The following ABCC8 variants were observed in gnomAD, a reference collection of about 807,000 sequenced individuals.
ABCC8 encodes the protein ATP binding cassette subfamily C member 8, also known as ATP-binding cassette sub-family C member 8.
Under a neutral mutation model 188.0 loss-of-function variants are expected in ABCC8, and 137 were observed. The observed-to-expected ratio is 0.73, with a 90% CI of 0.63 to 0.84. The LOEUF (loss-of-function observed/expected upper bound fraction) is 0.84, where lower values mean the gene tolerates loss of function less well. ABCC8 is among the 40% of genes least tolerant of loss of function. The pLI is 0.00. For synonymous variants in ABCC8, 797 were observed against 846.5 expected, an observed-to-expected ratio of 0.94 and a Z score of 1.01; for missense variants, 1,750 against 2,072.7, an observed-to-expected ratio of 0.84 and a Z score of 3.02.
At chr11:17,470,403 G>C (rs1023511588) in intron 2 of ABCC8, 181 bp from the exon 3 acceptor site, 2 of 473,480 alleles carry the variant, frequency 4.2e-6, no homozygotes, top group Non-Finnish European at 5.5e-6. Flanking sequence ...CCAGTACATG[G>C]AGTAGAGCTG....
intron 16 of ABCC8, among the ~76,000 whole-genome samples, chr11:17,418,374 T>A (rs1213941090): frequency 6.6e-6 from 1 of 152,178 alleles, no homozygotes; most frequent in East Asian, 1.9e-4. Context: ...CAGGACTGAA[T>A]GAAGATTCTG....
At chr11:17,403,415 CA>C (rs1293064959) in intron 28 of ABCC8, among the ~76,000 whole-genome samples, 3 of 152,110 alleles carry the variant, frequency 2.0e-5, no homozygotes, top group African/African-American at 4.8e-5. Context: ...GTTTCTCTGG[CA>C]GAAGAAATGA....
rs1954390155 is a variant in ABCC8, at chr11:17,404,211, T to C, written c.3557+301A>G. On this transcript the variant is annotated intron_variant, in intron 28 of 38. Coordinates refer to ENST00000389817, the MANE Select transcript of ABCC8 (RefSeq NM_000352.6). This position sits in a 1 kb window ranked among gnomAD's most constrained non-coding sequence, Gnocchi z 4.7. ...AATGATGCAACCCTCCTGGGAAGCATGTTGGCAAAATGAATGAAGGGCATA... is the reference window on the plus strand; with the variant it reads ...AATGATGCAACCCTCCTGGGAAGCACGTTGGCAAAATGAATGAAGGGCATA... Among the ~76,000 whole-genome samples, 2 of 152,184 alleles carry C rather than the reference T, an allele frequency of 1.3e-5. No homozygotes were observed. The highest frequency in any genetic ancestry group is 4.2e-4 in the South Asian group (2 of 4,816).
Position 17,470,213 on chromosome 11 carries a change from T to A in ABCC8, c.300A>T (p.Glu100Asp). The A allele has an allele frequency of 6.2e-7, 1 of 1,614,130 alleles. No homozygotes were observed. The highest frequency in any genetic ancestry group is 8.5e-7 in the Non-Finnish European group (1 of 1,180,028). ...GCATGTACAGGTGCAGATGGTGGGATTCGGTCACCCTGAGATGGGAGAGAG... is the reference window on the plus strand; with the variant it reads ...GCATGTACAGGTGCAGATGGTGGGAATCGGTCACCCTGAGATGGGAGAGAG... ...AEGILSDGVT[E>D]SHHLHLYMPA... The change falls in exon 3 of 39, where the codon GAA becomes GAT. Residue 100 changes from glutamate (E) to aspartate (D), a missense_variant. Glu to Asp is a conservative substitution (Grantham distance 45, BLOSUM62 2). Coordinates refer to ENST00000389817, the MANE Select transcript of ABCC8 (RefSeq NM_000352.6).
chr11:17,428,805 G>A, intron 12 of ABCC8, 135 bp from the exon 13 acceptor site: 2 of 1,490,394 alleles, frequency 1.3e-6, no homozygotes, highest in Admixed American at 2.1e-5. Flanking sequence ...ACTGAAGGGG[G>A]CAGACCAGTG....
Position 17,404,596 on chromosome 11 carries a change from T to G in ABCC8, c.3473A>C (p.Tyr1158Ser). The change falls in exon 28 of 39, where the codon TAT (tyrosine) becomes TCT (serine). Residue 1158 changes from tyrosine to serine, a missense_variant. Transcript: ENST00000389817. This position sits in a 1 kb window ranked among gnomAD's most constrained non-coding sequence, Gnocchi z 4.7. ...GGCCACGAGGAACACAGGTGTGACA[T>G]AGGAGATGACGGCCAGGGCTGAGAC... The part of the protein sequence containing the change: ...LCVSALAVIS[Y>S]VTPVFLVALL... 2.5e-6 allele frequency: 4 copies of G among 1,613,868 alleles called. No individual in the cohort carries two copies. Among genetic ancestry groups the G allele is most frequent in the Non-Finnish European group, 3.4e-6 (4 of 1,179,992 alleles).
chr11:17,398,205 C>A, intron 30 of ABCC8, 134 bp downstream of exon 30: 2 of 1,213,668 alleles, frequency 1.6e-6, no homozygotes, highest in Non-Finnish European at 2.4e-6. Flanking sequence ...ACCACCAGGG[C>A]TGGGGGAAGC....
intron 10 of ABCC8, among the ~76,000 whole-genome samples, chr11:17,435,347 GGAA>G (rs1251890266): frequency 1.2e-4 from 19 of 152,262 alleles, no homozygotes; most frequent in Admixed American, 9.8e-4. Context: ...CACTGTCTCA[GGAA>G]GAAGGAGCCA....
intron 9 of ABCC8, 79 bp downstream of exon 9, chr11:17,443,099 G>C: frequency 1.3e-6 from 2 of 1,547,682 alleles, no homozygotes; most frequent in Non-Finnish European, 8.9e-7. Flanking sequence ...ATGACAGTGT[G>C]GGTGTGTGGG....
chr11:17,445,993 T>G, intron 8 of ABCC8, among the ~76,000 whole-genome samples: 1 of 146,182 alleles, frequency 6.8e-6, no homozygotes, highest in East Asian at 2.0e-4. Flanking sequence ...TTAGACCGAG[T>G]CTCGCTCTGT....
At position 17,416,949 on chromosome 11, in the gene ABCC8, C is replaced by T. The variant is rs753296261; in HGVS notation, c.2236G>A (p.Glu746Lys). ...CTGTACCTGGGGTCCTCTCCTATCTCGCTGTCAGGAAGGCTGCTGGGACAC... is the reference window on the plus strand; with the variant it reads ...CTGTACCTGGGGTCCTCTCCTATCTTGCTGTCAGGAAGGCTGCTGGGACAC... ...AVFWSSLPDS[E>K]IGEDPSPERE... Residue 746 changes from glutamate (E) to lysine (K), a missense_variant, in exon 17 of 39, where the codon GAG (glutamate) becomes AAG (lysine). By Grantham distance (56) the Glu-to-Lys change is moderately conservative. Coordinates refer to ENST00000389817, the MANE Select transcript of ABCC8 (RefSeq NM_000352.6). 11 of 1,607,164 alleles carry T rather than the reference C, an allele frequency of 6.8e-6. No homozygotes were observed. The highest frequency in any genetic ancestry group is 1.7e-5 in the Admixed American group (1 of 59,754).
chr11:17,415,761 G>T (rs1190320279), intron 17 of ABCC8, among the ~76,000 whole-genome samples: 9 of 152,186 alleles, frequency 5.9e-5, no homozygotes. Flanking sequence ...TCTGGACAGA[G>T]CCAGGCCAGG....
chr11:17,401,641 A>G (rs866108076), intron 29 of ABCC8, among the ~76,000 whole-genome samples: 1 of 152,098 alleles, frequency 6.6e-6, no homozygotes, highest in Non-Finnish European at 1.5e-5. Flanking sequence ...CCTAAAAATA[A>G]CCTATTATCA....
chr11:17,442,294 A>G (rs1343346084), intron 10 of ABCC8, among the ~76,000 whole-genome samples: 2 of 152,204 alleles, frequency 1.3e-5, no homozygotes, highest in Non-Finnish European at 2.9e-5. Flanking sequence ...CATAGCCCCA[A>G]GTGGATGGAA....
intron 6 of ABCC8, among the ~76,000 whole-genome samples, chr11:17,454,199 A>G (rs1386850834): frequency 6.6e-6 from 1 of 152,070 alleles, no homozygotes; most frequent in Non-Finnish European, 1.5e-5. Flanking sequence ...GCACATCCAC[A>G]ATCAGAATCA....
At chr11:17,450,091 T>C (rs1399044137) in intron 7 of ABCC8, among the ~76,000 whole-genome samples, 1 of 152,204 alleles carries the variant, frequency 6.6e-6, no homozygotes, top group Non-Finnish European at 1.5e-5. Context: ...TTATGTATAA[T>C]TCAGGAATTG....
intron 16 of ABCC8, among the ~76,000 whole-genome samples, chr11:17,426,424 G>A (rs1184251612): frequency 6.6e-6 from 1 of 152,172 alleles, no homozygotes; most frequent in Non-Finnish European, 1.5e-5. Flanking sequence ...ATTTTTACAT[G>A]AATCTTTCAT....
intron 3 of ABCC8, among the ~76,000 whole-genome samples, chr11:17,467,641 C>T (rs540309129): frequency 1.1e-4 from 16 of 152,344 alleles, no homozygotes; most frequent in South Asian, 6.2e-4. Context: ...GGTTCCCTCA[C>T]GGGACAATGT....
chr11:17,449,938 C>T (rs940656601), intron 7 of ABCC8, among the ~76,000 whole-genome samples: 1 of 152,142 alleles, frequency 6.6e-6, no homozygotes, highest in Non-Finnish European at 1.5e-5. Flanking sequence ...AATCTATATA[C>T]CTCCTAGGTT....
Sources: gnomAD v4.1 joint callset for allele counts (sites outside exome capture counted in the v4.1 genomes callset) on GRCh38, gnomAD v4.1.1 for gene constraint, Gnocchi (gnomAD v3.1) non-coding constraint, MANE v1.5 for transcripts, NCBI Gene and HGNC (gene_info 2026-07-23, HGNC 2026-07-21) for gene names.